Variants in ZNF469 observed in about 807,000 individuals in gnomAD.
ZNF469 encodes zinc finger protein 469.
In ZNF469, 1 loss-of-function variant was observed where a neutral mutation model predicts 1.0. The observed-to-expected ratio is 1.00, with a 90% CI of 0.35 to 4.73. The LOEUF (loss-of-function observed/expected upper bound fraction) is 4.73, where lower values mean the gene tolerates loss of function less well. Ranked by LOEUF, ZNF469 falls within the 30% of genes most tolerant of loss-of-function variation. ZNF469 has a pLI of 0.16. For missense variants in ZNF469, 6,100 were observed against 5,356.3 expected (o/e 1.14, Z -4.33); for synonymous variants, 2,703 against 2,363.4 (o/e 1.14, Z -4.17).
At chr16:88,370,847 T>C in the ZNF469 span, among the ~76,000 whole-genome samples, 1 of 152,256 alleles carries the variant, frequency 6.6e-6, no homozygotes, top group Admixed American at 6.5e-5. Context: ...GCAAGTGCGA[T>C]GCAAGTAGAA....
chr16:88,137,342 G>A, the ZNF469 span, among the ~76,000 whole-genome samples: 1 of 152,184 alleles, frequency 6.6e-6, no homozygotes, highest in Non-Finnish European at 1.5e-5. Context: ...CATGCATACA[G>A]CCGTCTGTAA....
chr16:88,200,427 G>A, the ZNF469 span, among the ~76,000 whole-genome samples: 61 of 152,356 alleles, frequency 4.0e-4, no homozygotes, highest in Admixed American at 2.2e-3. Context: ...AACCGCAGAA[G>A]GGACCGCACC....
At chr16:88,160,434 A>C in the ZNF469 span, among the ~76,000 whole-genome samples, 1 of 152,104 alleles carries the variant, frequency 6.6e-6, no homozygotes, top group Non-Finnish European at 1.5e-5. Flanking sequence ...CTGCACTGGA[A>C]TGTGCTTGGG....
the ZNF469 span, among the ~76,000 whole-genome samples, chr16:88,253,382 C>G: frequency 6.6e-6 from 1 of 151,940 alleles, no homozygotes. Context: ...TTCCTTTTAG[C>G]TCTTTTAGTG....
the ZNF469 span, among the ~76,000 whole-genome samples, chr16:88,283,158 G>C: frequency 7.2e-4 from 109 of 152,268 alleles, 1 homozygote; most frequent in South Asian, 5.6e-3. Context: ...AGTCGTCTAG[G>C]GGGTGGGGAG....
At chr16:88,406,190 G>A (rs943245244) in intron 1 of ZNF469, among the ~76,000 whole-genome samples, 1 of 152,222 alleles carries the variant, frequency 6.6e-6, no homozygotes, top group Non-Finnish European at 1.5e-5. Context: ...CCCTTCCGTG[G>A]GGCCCAGAGC....
At chr16:88,323,623 C>T in the ZNF469 span, among the ~76,000 whole-genome samples, 4 of 152,138 alleles carry the variant, frequency 2.6e-5, no homozygotes, top group Non-Finnish European at 5.9e-5. Context: ...CTTGGCAAAG[C>T]CAGGATCTCC....
the ZNF469 span, among the ~76,000 whole-genome samples, chr16:88,115,030 A>G: frequency 6.6e-6 from 1 of 152,166 alleles, no homozygotes; most frequent in East Asian, 1.9e-4. Context: ...AACAACCACC[A>G]ACCCTCCAGG....
the ZNF469 span, among the ~76,000 whole-genome samples, chr16:88,344,201 G>A: frequency 3.4e-5 from 5 of 147,838 alleles, no homozygotes; most frequent in South Asian, 2.3e-4. Context: ...AAGGAGACAC[G>A]AGGATCCTGG....
At chr16:88,389,583 C>G (rs911671403) in intron 1 of ZNF469, among the ~76,000 whole-genome samples, 3 of 152,220 alleles carry the variant, frequency 2.0e-5, no homozygotes, top group Admixed American at 2.0e-4. Context: ...CCCACTCTTT[C>G]CCACCGTTCC....
chr16:88,436,035 TGAG>T lies in ZNF469; in HGVS notation c.8567_8569del (p.Glu2856del). On this transcript the variant is annotated inframe_deletion, in exon 3 of 3. Coordinates refer to ENST00000565624, the MANE Select transcript of ZNF469 (RefSeq NM_001367624.2). ...AGGATCCTCCAAGCTTGTTTGATGA[TGAG>T]GTCTCTTTCTCCCAGCTCTTCCCTC... 7.7e-6 allele frequency: 12 copies of T among 1,550,318 alleles called. No homozygotes were observed. The highest frequency in any genetic ancestry group is 1.0e-5 in the Non-Finnish European group (12 of 1,146,974).
At chr16:88,197,581 C>A in the ZNF469 span, among the ~76,000 whole-genome samples, 1 of 152,216 alleles carries the variant, frequency 6.6e-6, no homozygotes, top group African/African-American at 2.4e-5. Context: ...TGCTGCATAA[C>A]AAACTACCCC....
chr16:88,116,138 A>G, the ZNF469 span, among the ~76,000 whole-genome samples: 3 of 152,334 alleles, frequency 2.0e-5, no homozygotes, highest in Non-Finnish European at 2.9e-5. Context: ...CAACCGTGAA[A>G]AAACAAGCCG....
chr16:88,107,859 G>T, the ZNF469 span, among the ~76,000 whole-genome samples: 2 of 152,332 alleles, frequency 1.3e-5, no homozygotes, highest in East Asian at 3.9e-4. Context: ...GCCCATGTTG[G>T]GCTCCGGCCT....
chr16:88,390,581 T>C (rs1904459769), intron 1 of ZNF469, among the ~76,000 whole-genome samples: 1 of 152,206 alleles, frequency 6.6e-6, no homozygotes, highest in Non-Finnish European at 1.5e-5. Flanking sequence ...TTTCCTGCAC[T>C]GTCAGCTACT....
the ZNF469 span, among the ~76,000 whole-genome samples, chr16:88,304,047 C>G: frequency 6.6e-6 from 1 of 152,190 alleles, no homozygotes; most frequent in African/African-American, 2.4e-5. Flanking sequence ...TCCGCAGCTC[C>G]TGGGCTGTTA....
the ZNF469 span, among the ~76,000 whole-genome samples, chr16:88,255,799 C>T: frequency 3.3e-5 from 5 of 152,316 alleles, no homozygotes; most frequent in African/African-American, 1.2e-4. Flanking sequence ...GAGCTTATCA[C>T]AGCCTTAGGA....
upstream of ZNF469, among the ~76,000 whole-genome samples, chr16:88,382,007 AC>A (rs1439102242): frequency 1.3e-5 from 2 of 152,166 alleles, no homozygotes; most frequent in African/African-American, 4.8e-5. Context: ...CTCCCGGGGG[AC>A]CTTTGTCTGA....
Position 88,437,888 on chromosome 16 carries a change from A to C in ZNF469, c.10418A>C (p.Lys3473Thr). ...ARALEGTLPSKRRRVAMPGSA... is the reference protein window; with the variant it reads ...ARALEGTLPSTRRRVAMPGSA... Reference sequence around the variant, plus strand: ...GCCCTCGAGGGCACACTGCCCAGCAAACGGCGCAGGGTGGCCATGCCCGGC... The same window carrying C: ...GCCCTCGAGGGCACACTGCCCAGCACACGGCGCAGGGTGGCCATGCCCGGC... Residue 3473 changes from lysine (K) to threonine (T), a missense_variant, in exon 3 of 3, where the codon AAA (lysine) becomes ACA (threonine). By Grantham distance (78) the Lys-to-Thr change is moderately conservative (BLOSUM62 -1). Transcript: ENST00000565624. 1 of 1,539,858 alleles carries C rather than the reference A, an allele frequency of 6.5e-7. No homozygotes were observed. The highest frequency in any genetic ancestry group is 1.4e-5 in the African/African-American group (1 of 72,846).
Sources: gnomAD v4.1 joint callset for allele counts (sites outside exome capture counted in the v4.1 genomes callset) on GRCh38, gnomAD v4.1.1 for gene constraint, MANE v1.5 for transcripts, NCBI Gene and HGNC (gene_info 2026-07-23, HGNC 2026-07-21) for gene names.